Variants in CATSPERB observed in about 807,000 individuals in gnomAD.
CATSPERB encodes catsper channel auxiliary subunit beta.
Under a neutral mutation model 128.3 loss-of-function variants are expected in CATSPERB, and 93 were observed. The ratio of observed to expected loss-of-function variants is 0.72; its 90% CI spans 0.61 to 0.86. CATSPERB has a LOEUF of 0.86. Ranked by LOEUF, CATSPERB falls within the 40% of genes least tolerant of loss-of-function variation. The pLI, the probability that CATSPERB is intolerant of heterozygous loss-of-function variation, is 0.00. For synonymous variants in CATSPERB, 381 were observed against 448.8 expected (o/e 0.85, Z 1.91); for missense variants, 1,153 against 1,329.5 (o/e 0.87, Z 2.06).
chr14:91,613,281 T>C (rs1893868751), intron 20 of CATSPERB, among the ~76,000 whole-genome samples: 1 of 152,160 alleles, frequency 6.6e-6, no homozygotes, highest in East Asian at 1.9e-4. Context: ...TTGTTTAATT[T>C]AGGTAATGGA....
At chr14:91,731,473 C>T (rs1332211757) in intron 1 of CATSPERB, among the ~76,000 whole-genome samples, 1 of 152,176 alleles carries the variant, frequency 6.6e-6, no homozygotes. Context: ...TATTTAACTT[C>T]TTGGAGTTCA....
chr14:91,659,780 T>C, intron 15 of CATSPERB, 57 bp downstream of exon 15: 2 of 1,535,078 alleles, frequency 1.3e-6, no homozygotes, highest in African/African-American at 1.4e-5. Context: ...GTTTTTCATA[T>C]ATCTTCTAAT....
In CATSPERB at chr14:91,700,206, G is replaced by A. The variant is rs999321690; in HGVS notation, c.616+4346C>T. On this transcript the variant is annotated intron_variant, in intron 7 of 26. Coordinates refer to ENST00000256343, the MANE Select transcript of CATSPERB (RefSeq NM_024764.4). Reference sequence around the variant, plus strand: ...TGTTTGGTTTTCTGTTCCTGTGTTAGTTTGCTGAGAATGATGGTTTCCAGC... The same window carrying A: ...TGTTTGGTTTTCTGTTCCTGTGTTAATTTGCTGAGAATGATGGTTTCCAGC... Among the ~76,000 whole-genome samples the A allele has an allele frequency of 2.6e-5, 4 of 152,060 alleles. No individual in the cohort carries two copies. The East Asian group carries it at 5.8e-4, about 22-fold the overall frequency.
At chr14:91,648,198 C>T (rs184729587) in intron 15 of CATSPERB, among the ~76,000 whole-genome samples, 21 of 152,312 alleles carry the variant, frequency 1.4e-4, no homozygotes, top group Admixed American at 1.2e-3. Context: ...CTCTTATCAA[C>T]ATATCACTTG....
intron 23 of CATSPERB, among the ~76,000 whole-genome samples, chr14:91,591,469 G>A (rs1216881611): frequency 1.3e-5 from 2 of 151,956 alleles, no homozygotes; most frequent in Admixed American, 6.6e-5. Context: ...ATTTGTGACT[G>A]TCAGCAGGCT....
At chr14:91,706,729 C>T (rs1182671465) in intron 6 of CATSPERB, among the ~76,000 whole-genome samples, 3 of 152,156 alleles carry the variant, frequency 2.0e-5, no homozygotes, top group Admixed American at 2.0e-4. Context: ...TCTGCTTCTC[C>T]TGTCTTCAGC....
intron 15 of CATSPERB, among the ~76,000 whole-genome samples, chr14:91,653,138 A>C (rs1189327696): frequency 1.3e-5 from 2 of 152,232 alleles, no homozygotes; most frequent in African/African-American, 4.8e-5. Context: ...GTCATTTAAA[A>C]TCGTATCAGA....
Position 91,730,061 on chromosome 14 carries a change from C to T in CATSPERB, c.1-582G>A, listed in dbSNP as rs78231389. 5.2e-3 allele frequency among the ~76,000 whole-genome samples: 799 copies of T among 152,238 alleles called. 7 individuals are homozygous for T. Among genetic ancestry groups the T allele is most frequent in the African/African-American group, 0.018 (744 of 41,542 alleles). ...ACCTCTCCTGTAATGCACTCCACTA[C>T]GTGTATAAGCATCCATTATGGGCTC... is the stretch of plus-strand genomic sequence containing the variant. On this transcript the variant is annotated intron_variant, in intron 1 of 26. Coordinates refer to ENST00000256343, the MANE Select transcript of CATSPERB (RefSeq NM_024764.4).
chr14:91,610,947 G>C (rs1244028047), intron 20 of CATSPERB, among the ~76,000 whole-genome samples: 1 of 151,910 alleles, frequency 6.6e-6, no homozygotes, highest in Non-Finnish European at 1.5e-5. Flanking sequence ...GACACAGCAA[G>C]AAGATGGCCA....
intron 15 of CATSPERB, among the ~76,000 whole-genome samples, chr14:91,658,415 G>C (rs1178689184): frequency 6.6e-6 from 1 of 151,830 alleles, no homozygotes; most frequent in Non-Finnish European, 1.5e-5. Context: ...TGTAGGGGGA[G>C]AATGGCGATG....
chr14:91,585,990 C>T (rs1893291116), intron 26 of CATSPERB, among the ~76,000 whole-genome samples: 1 of 152,202 alleles, frequency 6.6e-6, no homozygotes, highest in Admixed American at 6.5e-5. Context: ...GTTTCAATGT[C>T]AGTTCAGTTT....
At chr14:91,679,981 C>A (rs1397995131) in intron 11 of CATSPERB, among the ~76,000 whole-genome samples, 1 of 152,124 alleles carries the variant, frequency 6.6e-6, no homozygotes, top group African/African-American at 2.4e-5. Context: ...TATCTGATAC[C>A]AATCTCAAGT....
At chr14:91,603,516 G>A (rs892436459) in intron 22 of CATSPERB, 13 of 922,024 alleles carry the variant, frequency 1.4e-5, no homozygotes, top group East Asian at 2.4e-5. Flanking sequence ...CTGAAATGCC[G>A]GCCAGCAAGG....
rs758370377 is a variant in CATSPERB, at chr14:91,674,186, G to T, written c.968C>A (p.Thr323Asn). The change falls in exon 12 of 27, where the codon ACC (threonine) becomes AAC (asparagine). Residue 323 changes from threonine (T) to asparagine (N), a missense_variant. Physicochemically the swap from Thr to Asn is moderately conservative, Grantham distance 65. Coordinates refer to ENST00000256343, the MANE Select transcript of CATSPERB (RefSeq NM_024764.4). Reference sequence around the variant, plus strand: ...TATTCAATATCATACCTCACTTAGGGTTCTGTTTCTCTCAAAGGTAACTGT... The same window carrying T: ...TATTCAATATCATACCTCACTTAGGTTTCTGTTTCTCTCAAAGGTAACTGT... ...YVTVTFERNR[T>N]LSESSSCFYS... 3.1e-5 allele frequency: 48 copies of T among 1,537,304 alleles called. No individual in the cohort carries two copies. The East Asian group carries it at 1.1e-3, about 34-fold the overall frequency.
chr14:91,602,726 G>A (rs1291702787), intron 22 of CATSPERB, among the ~76,000 whole-genome samples: 1 of 152,136 alleles, frequency 6.6e-6, no homozygotes, highest in East Asian at 1.9e-4. Flanking sequence ...TTCAGAAGCT[G>A]CATCATAAAA....
At chr14:91,639,717 G>GA (rs1894456633) in intron 15 of CATSPERB, among the ~76,000 whole-genome samples, 1 of 152,186 alleles carries the variant, frequency 6.6e-6, no homozygotes, top group Non-Finnish European at 1.5e-5. Context: ...GCCACGTTGA[G>GA]AGGCACTGTC....
At chr14:91,582,433 G>A (rs1207542014) in intron 26 of CATSPERB, among the ~76,000 whole-genome samples, 2 of 152,212 alleles carry the variant, frequency 1.3e-5, no homozygotes, top group East Asian at 1.9e-4. Context: ...ACAGGAGGCA[G>A]TCAAATGCCT....
At chr14:91,683,775 T>C in intron 11 of CATSPERB, 102 bp downstream of exon 11, 1 of 713,864 alleles carries the variant, frequency 1.4e-6, no homozygotes, top group Non-Finnish European at 2.3e-6. Context: ...CAGCCTAAAG[T>C]TTGGAATGGT....
At position 91,591,644 on chromosome 14, in the gene CATSPERB, G is replaced by T. The variant is rs115407563; in HGVS notation, c.2820+248C>A. Among the ~76,000 whole-genome samples the T allele has an allele frequency of 8.9e-3, 1,346 of 151,994 alleles. 24 individuals carry two copies. The highest frequency in any genetic ancestry group is 0.031 in the African/African-American group (1,271 of 41,438). On this transcript the variant is annotated intron_variant, in intron 23 of 26. Transcript: ENST00000256343. ...TGTGTGTGGGTGTGGGTGTGTGTGCGTCTTTATACAAATGCTGTGGAATGG... is the reference window on the plus strand; with the variant it reads ...TGTGTGTGGGTGTGGGTGTGTGTGCTTCTTTATACAAATGCTGTGGAATGG...
Sources: allele counts gnomAD v4.1 joint callset (sites outside exome capture counted in the v4.1 genomes callset), GRCh38; gene constraint gnomAD v4.1.1; transcripts MANE v1.5; gene names NCBI Gene and HGNC (gene_info 2026-07-23, HGNC 2026-07-21).